DYNC1H1: variants seen among roughly 807,000 people sequenced by gnomAD.
DYNC1H1 encodes the protein dynein cytoplasmic 1 heavy chain 1, also known as cytoplasmic dynein 1 heavy chain 1.
DYNC1H1 carries 51 observed loss-of-function variants against 527.1 expected under a neutral mutation model. The observed-to-expected ratio is 0.10, with a 90% confidence interval of 0.08 to 0.12. The LOEUF is 0.12. Among genes scored for constraint, DYNC1H1 ranks in the 10% least tolerant of loss-of-function variants. The probability of loss-of-function intolerance (pLI) is 1.00; values close to 1 mark genes in which losing one functional copy is unlikely to be tolerated. For synonymous variants in DYNC1H1, 2,189 were observed against 2,278.8 expected (o/e 0.96, Z 1.12); for missense variants, 2,771 against 5,971.8 (o/e 0.46, Z 17.66).
chr14:101,995,595 AGT>A (rs1465847546), intron 15 of DYNC1H1, among the ~76,000 whole-genome samples: 1 of 149,552 alleles, frequency 6.7e-6, no homozygotes, highest in Non-Finnish European at 1.5e-5. Flanking sequence ...TGGGCAACAG[AGT>A]GAGACTCCGT....
chr14:101,992,429 A>G (rs923221475), intron 11 of DYNC1H1, among the ~76,000 whole-genome samples: 7 of 152,216 alleles, frequency 4.6e-5, no homozygotes, highest in African/African-American at 1.4e-4. Context: ...GAGTCTACGT[A>G]CAATCCTTAG....
At chr14:102,003,781 C>T (rs1196382619) in intron 23 of DYNC1H1, among the ~76,000 whole-genome samples, 2 of 151,552 alleles carry the variant, frequency 1.3e-5, no homozygotes, top group Non-Finnish European at 2.9e-5. Context: ...CAAAAATTAG[C>T]CAGGCATGAT....
Position 102,036,639 on chromosome 14 carries a change from C to A in DYNC1H1, c.10905C>A (p.Val3635=). ...SALRFGNPLL[V]QDVESYDPVL... is the part of the protein sequence containing the mutation. ...TGAGATTCGGTAACCCCCTTCTGGT[C>A]CAGGTTGGTGTTGGCCTTTGAATTC... is the stretch of plus-strand genomic sequence containing the variant. The change falls in exon 57 of 78, where the codon GTC becomes GTA. Residue 3635 remains valine (V), a synonymous_variant. Transcript: ENST00000360184. This position sits in a 1 kb window ranked among gnomAD's most constrained non-coding sequence, Gnocchi z 5.6. 6.2e-7 allele frequency: 1 copy of A among 1,614,012 alleles called. No individual in the cohort carries two copies. Among genetic ancestry groups the A allele is most frequent in the South Asian group, 1.1e-5 (1 of 91,040 alleles).
At chr14:102,034,296 G>A (rs2048545246) in intron 55 of DYNC1H1, 29 bp from the exon 56 acceptor site, 2 of 1,614,108 alleles carry the variant, frequency 1.2e-6, no homozygotes, top group African/African-American at 1.3e-5. Flanking sequence ...GCTGTGAAGA[G>A]GAGGAAAGGT....
Position 102,036,243 on chromosome 14 carries a change from A to G in DYNC1H1, c.10755-246A>G. 1 of 476,306 alleles carries G rather than the reference A, an allele frequency of 2.1e-6. No individual in the cohort carries two copies. The highest frequency in any genetic ancestry group is 3.4e-5 in the Admixed American group (1 of 29,698). 29.5% of individuals were successfully genotyped at this position (476,306 alleles called of 1,614,324 possible). A position where few individuals can be genotyped will look rare whatever the true frequency, so the allele number is the denominator to read the frequency against. ...TGTCCCAGAAGGAAAAAGATTTTTA[A>G]CTATGGCCCTCTTGGTGTATGACTC... On this transcript the variant is annotated intron_variant, in intron 56 of 77. Coordinates refer to ENST00000360184, the MANE Select transcript of DYNC1H1 (RefSeq NM_001376.5). This position sits in a 1 kb window ranked among gnomAD's most constrained non-coding sequence, Gnocchi z 5.6.
At chr14:102,026,321 G>A (rs999410526) in intron 43 of DYNC1H1, among the ~76,000 whole-genome samples, 2 of 152,076 alleles carry the variant, frequency 1.3e-5, no homozygotes, top group African/African-American at 4.8e-5. Context: ...TTTCCTCCAT[G>A]ATCATGGTAT....
intron 42 of DYNC1H1, among the ~76,000 whole-genome samples, chr14:102,021,662 T>C (rs553748661): frequency 3.3e-4 from 48 of 147,596 alleles, no homozygotes; most frequent in East Asian, 9.8e-4. Flanking sequence ...TTTTCTTTTT[T>C]TTTTTTTTTT....
rs1298827970 is a variant in DYNC1H1, at chr14:102,002,623, G to C, written c.4629G>C (p.Arg1543=). Residue 1543 remains arginine, a synonymous_variant, in exon 22 of 78, where the codon CGG becomes CGC. Transcript: ENST00000360184. The surrounding 1 kb of genome is among the most constrained non-coding windows in gnomAD (Gnocchi z 4.4). ...LFDVWIDVQR[R]WVYLEGIFTG... ...ATGTGTGGATTGATGTGCAGAGGCG[G>C]TGGGTCTACCTGGAAGGTATCTTCA... The C allele has an allele frequency of 6.2e-7, 1 of 1,614,094 alleles. No homozygotes were observed. The highest frequency in any genetic ancestry group is 8.5e-7 in the Non-Finnish European group (1 of 1,180,052).
At position 102,041,833 on chromosome 14, in the gene DYNC1H1, A is replaced by G. The variant is rs949119265; in HGVS notation, c.12102+99A>G. ...CTGGCATCTGCTCTCACTCCGGGCT[A>G]CAGTCTCCTCCTAAGACCAGGAACT... is the stretch of plus-strand genomic sequence containing the variant. On this transcript the variant is annotated intron_variant, in intron 65 of 77. Transcript: ENST00000360184. This position sits in a 1 kb window ranked among gnomAD's most constrained non-coding sequence, Gnocchi z 4.5. The G allele has an allele frequency of 5.7e-6, 9 of 1,583,230 alleles. No individual in the cohort carries two copies. The highest frequency in any genetic ancestry group is 6.9e-6 in the Non-Finnish European group (8 of 1,160,686).
rs1445321547 is a variant in DYNC1H1, at chr14:102,039,330, T to C, written c.11460+76T>C. 1 of 1,611,586 alleles carries C rather than the reference T, an allele frequency of 6.2e-7. No homozygotes were observed. Among genetic ancestry groups the C allele is most frequent in the Non-Finnish European group, 8.5e-7 (1 of 1,179,920 alleles). On this transcript the variant is annotated intron_variant, in intron 60 of 77. Transcript: ENST00000360184. This position sits in a 1 kb window ranked among gnomAD's most constrained non-coding sequence, Gnocchi z 7.0. The stretch of plus-strand genomic sequence containing the variant: ...TGGCCGCACAGAGGCTGGCGGGCCC[T>C]GCACAGTAGCTCCTTGGCCACGCAG...
chr14:101,972,759 C>T (rs556355208), intron 1 of DYNC1H1, among the ~76,000 whole-genome samples: 83 of 152,152 alleles, frequency 5.5e-4, no homozygotes, highest in Non-Finnish European at 9.6e-4. Flanking sequence ...TTTTTAGTTG[C>T]GTCAGTGATT....
intron 72 of DYNC1H1, 176 bp from the exon 73 acceptor site, chr14:102,047,641 G>GTGTGTGTGTA: frequency 1.3e-5 from 4 of 316,750 alleles, no homozygotes; most frequent in African/African-American, 3.9e-5. Context: ...GTGTGTGTGT[G>GTGTGTGTGTA]TATATATATA....
intron 43 of DYNC1H1, chr14:102,023,587 G>A (rs191696347): frequency 3.9e-4 from 62 of 157,400 alleles, no homozygotes; most frequent in African/African-American, 1.1e-3. Flanking sequence ...AATGGCACAC[G>A]CCTGTAATCC....
Position 102,027,323 on chromosome 14 carries a change from CAG to C in DYNC1H1, c.8886+37_8886+38del. On this transcript the variant is annotated intron_variant, in intron 45 of 77. Transcript: ENST00000360184. This position sits in a 1 kb window ranked among gnomAD's most constrained non-coding sequence, Gnocchi z 7.7. ...GTCGGTGGCCTCTTAATCCCAGCAA[CAG>C]ATGTGTGTGCAGAGCTCAGTGAGTA... 2 of 1,614,054 alleles carry C rather than the reference CAG, an allele frequency of 1.2e-6. No individual in the cohort carries two copies. The highest frequency in any genetic ancestry group is 1.7e-6 in the Non-Finnish European group (2 of 1,179,994).
intron 63 of DYNC1H1, 67 bp from the exon 64 acceptor site, chr14:102,040,531 C>T (rs1321878024): frequency 5.6e-6 from 9 of 1,611,760 alleles, no homozygotes; most frequent in African/African-American, 2.7e-5. Context: ...CAGACTCTCG[C>T]TCAGTCGTGG....
chr14:102,024,349 C>A (rs560604541), intron 43 of DYNC1H1, among the ~76,000 whole-genome samples: 1 of 152,182 alleles, frequency 6.6e-6, no homozygotes, highest in African/African-American at 2.4e-5. Flanking sequence ...AGGTGATAGA[C>A]GTGAGTAAGA....
rs766285625 is a variant in DYNC1H1, at chr14:101,988,753, G to C, written c.2769G>C (p.Thr923=). ...TGCAAGCTGGCCTGAGAGCTTGGACGCAGGTTCTTCTTGGACAAGCTGAAG... is the reference window on the plus strand; with the variant it reads ...TGCAAGCTGGCCTGAGAGCTTGGACCCAGGTTCTTCTTGGACAAGCTGAAG... ...VRLQAGLRAW[T]QVLLGQAEDK... is the part of the protein sequence containing the mutation. Residue 923 remains threonine, a synonymous_variant, in exon 10 of 78, where the codon ACG becomes ACC. Coordinates refer to ENST00000360184, the MANE Select transcript of DYNC1H1 (RefSeq NM_001376.5). 6.2e-7 allele frequency: 1 copy of C among 1,614,198 alleles called. No homozygotes were observed. The highest frequency in any genetic ancestry group is 1.1e-5 in the South Asian group (1 of 91,086).
chr14:101,999,867 A>T, intron 16 of DYNC1H1, 122 bp from the exon 17 acceptor site: 1 of 1,337,160 alleles, frequency 7.5e-7, no homozygotes, highest in Non-Finnish European at 1.1e-6. Flanking sequence ...CCTTATGAAG[A>T]TGTGTGCAAA....
intron 48 of DYNC1H1, 200 bp downstream of exon 48, chr14:102,028,341 A>T (rs575172275): frequency 5.4e-6 from 3 of 556,786 alleles, no homozygotes; most frequent in South Asian, 1.9e-5. Flanking sequence ...GCGAGACCCC[A>T]TCTCTACAAA....
Sources: allele counts gnomAD v4.1 joint callset (sites outside exome capture counted in the v4.1 genomes callset), GRCh38; gene constraint gnomAD v4.1.1; non-coding constraint Gnocchi (gnomAD v3.1); transcripts MANE v1.5; gene names NCBI Gene and HGNC (gene_info 2026-07-23, HGNC 2026-07-21).